The following RBFOX1 variants were observed in gnomAD, a reference collection of about 807,000 sequenced individuals.
The protein encoded by RBFOX1 is RNA binding protein fox-1 homolog 1.
In RBFOX1, 8 loss-of-function variants were observed where a neutral mutation model predicts 57.7. The observed-to-expected ratio is 0.14, with a 90% CI of 0.08 to 0.25. RBFOX1 has a LOEUF of 0.25. RBFOX1 is among the 10% of genes least tolerant of loss of function. The probability of loss-of-function intolerance (pLI) is 1.00; values close to 1 mark genes in which losing one functional copy is unlikely to be tolerated. For missense variants in RBFOX1, 611 were observed against 548.5 expected (o/e 1.11, Z -1.14); for synonymous variants, 326 against 222.4 (o/e 1.47, Z -4.15).
At chr16:7,664,114 A>G (rs1347823492) in intron 12 of RBFOX1, among the ~76,000 whole-genome samples, 1 of 152,248 alleles carries the variant, frequency 6.6e-6, no homozygotes, top group Non-Finnish European at 1.5e-5. Flanking sequence ...ATTCACATGT[A>G]TACACCCTTG....
chr16:7,387,231 C>G (rs1005404693), intron 4 of RBFOX1, among the ~76,000 whole-genome samples: 1 of 152,070 alleles, frequency 6.6e-6, no homozygotes, highest in Non-Finnish European at 1.5e-5. Flanking sequence ...TGCAAAGTAC[C>G]TACCATGCAT....
At chr16:7,238,401 C>T (rs1567842394) in intron 4 of RBFOX1, among the ~76,000 whole-genome samples, 1 of 152,100 alleles carries the variant, frequency 6.6e-6, no homozygotes, top group Non-Finnish European at 1.5e-5. Context: ...CTGCCAGCTG[C>T]CCTTGTCTAA....
chr16:5,842,658 T>C (rs964158622), intron 3 of RBFOX1, among the ~76,000 whole-genome samples: 1 of 152,218 alleles, frequency 6.6e-6, no homozygotes, highest in Non-Finnish European at 1.5e-5. Context: ...ATGCTCTTCC[T>C]TCAAAGAATG....
Position 6,097,858 on chromosome 16 carries a change from C to G in RBFOX1, c.-127+77866C>G, listed in dbSNP as rs113794724. 6.6e-6 allele frequency among the ~76,000 whole-genome samples: 1 copy of G among 151,660 alleles called. No homozygotes were observed. Among genetic ancestry groups the G allele is most frequent in the South Asian group, 2.1e-4 (1 of 4,800 alleles). On this transcript the variant is annotated intron_variant, in intron 1 of 15. Transcript: ENST00000550418. This position sits in a 1 kb window ranked among gnomAD's most constrained non-coding sequence, Gnocchi z 5.0. ...GTGGAAGTCCCTTGGAAGTGGGGGACGTGTCTGATTTGTGCATGGCTATTT... is the reference window on the plus strand; with the variant it reads ...GTGGAAGTCCCTTGGAAGTGGGGGAGGTGTCTGATTTGTGCATGGCTATTT...
intron 3 of RBFOX1, among the ~76,000 whole-genome samples, chr16:5,787,268 G>T (rs918521852): frequency 5.3e-5 from 8 of 152,198 alleles, no homozygotes; most frequent in Admixed American, 3.9e-4. Context: ...TTAGGATTGT[G>T]CTGCTTGGGG....
At chr16:6,732,942 A>G (rs903841186) in intron 3 of RBFOX1, among the ~76,000 whole-genome samples, 3 of 152,248 alleles carry the variant, frequency 2.0e-5, no homozygotes, top group Non-Finnish European at 2.9e-5. Flanking sequence ...ATTTCTGAAT[A>G]AAGTAAGAGC....
At chr16:6,957,884 C>G (rs370437945) in intron 3 of RBFOX1, among the ~76,000 whole-genome samples, 2 of 152,158 alleles carry the variant, frequency 1.3e-5, no homozygotes, top group South Asian at 2.1e-4. Flanking sequence ...AGTCAGAGCC[C>G]TTAAATGGCC....
At chr16:5,384,923 C>T (rs1186825804) in intron 1 of RBFOX1, among the ~76,000 whole-genome samples, 2 of 152,158 alleles carry the variant, frequency 1.3e-5, no homozygotes, top group African/African-American at 4.8e-5. Flanking sequence ...CAGAACGGTG[C>T]CTGGCTCAGT....
At chr16:6,681,413 A>T (rs952108283) in intron 3 of RBFOX1, among the ~76,000 whole-genome samples, 1 of 152,232 alleles carries the variant, frequency 6.6e-6, no homozygotes, top group African/African-American at 2.4e-5. Flanking sequence ...ATTTTTATCA[A>T]TTGGTAATAT....
intron 1 of RBFOX1, among the ~76,000 whole-genome samples, chr16:5,415,432 G>A (rs1403975911): frequency 6.6e-6 from 1 of 152,202 alleles, no homozygotes; most frequent in African/African-American, 2.4e-5. Context: ...TACAATTAGA[G>A]ATGAGATTTG....
intron 3 of RBFOX1, among the ~76,000 whole-genome samples, chr16:6,814,843 G>T (rs62016146): frequency 3.2e-4 from 49 of 152,002 alleles, no homozygotes; most frequent in African/African-American, 1.2e-3. Context: ...AAGGGGTCCT[G>T]ATCCAGACGC....
chr16:5,597,873 C>T, intron 2 of RBFOX1, among the ~76,000 whole-genome samples: 1 of 152,324 alleles, frequency 6.6e-6, no homozygotes, highest in Non-Finnish European at 1.5e-5. Context: ...TCCACTGCAA[C>T]CCTGCTGAGT....
chr16:7,245,419 C>A (rs1186437162), intron 4 of RBFOX1, among the ~76,000 whole-genome samples: 1 of 150,748 alleles, frequency 6.6e-6, no homozygotes, highest in African/African-American at 2.5e-5. Flanking sequence ...ACCTATCAAC[C>A]CGTCACCTAG....
At chr16:6,685,320 G>T (rs1159701354) in intron 3 of RBFOX1, among the ~76,000 whole-genome samples, 1 of 132,490 alleles carries the variant, frequency 7.5e-6, no homozygotes, top group African/African-American at 2.9e-5. Flanking sequence ...CTGTTGCCCA[G>T]GCCGGAGTGC....
At chr16:6,833,871 G>C (rs912109609) in intron 3 of RBFOX1, among the ~76,000 whole-genome samples, 2 of 151,994 alleles carry the variant, frequency 1.3e-5, no homozygotes, top group African/African-American at 2.4e-5. Flanking sequence ...AGACAGCGTG[G>C]GCACAGCTTG....
intron 2 of RBFOX1, among the ~76,000 whole-genome samples, chr16:5,598,479 C>T (rs930859332): frequency 6.6e-6 from 1 of 152,134 alleles, no homozygotes; most frequent in African/African-American, 2.4e-5. Context: ...TAATAATAAA[C>T]TTCCTTTGAG....
intron 11 of RBFOX1, among the ~76,000 whole-genome samples, chr16:7,638,963 CCATTTTATCA>C (rs1257506805): frequency 1.3e-5 from 2 of 151,976 alleles, no homozygotes; most frequent in Non-Finnish European, 2.9e-5. Context: ...GCATTTTGTA[CCATTTTATCA>C]CATTTTAAAT....
chr16:7,345,660 C>T (rs1432868221), intron 4 of RBFOX1, among the ~76,000 whole-genome samples: 2 of 152,102 alleles, frequency 1.3e-5, no homozygotes, highest in Admixed American at 6.5e-5. Context: ...ACCAGAGCTC[C>T]CACTTGCTGC....
chr16:5,273,386 T>G (rs1481722864), intron 1 of RBFOX1, among the ~76,000 whole-genome samples: 1 of 152,164 alleles, frequency 6.6e-6, no homozygotes, highest in Non-Finnish European at 1.5e-5. Flanking sequence ...AATATAATGA[T>G]GAACAAGATA....
Sources: allele counts gnomAD v4.1 joint callset (sites outside exome capture counted in the v4.1 genomes callset), GRCh38; gene constraint gnomAD v4.1.1; non-coding constraint Gnocchi (gnomAD v3.1); transcripts MANE v1.5; gene names NCBI Gene and HGNC (gene_info 2026-07-23, HGNC 2026-07-21).